The following PIP4K2B variants were observed in gnomAD, a reference collection of about 807,000 sequenced individuals.
The protein encoded by PIP4K2B is phosphatidylinositol 5-phosphate 4-kinase type-2 beta.
PIP4K2B carries 3 observed loss-of-function variants against 42.0 expected under a neutral mutation model. That is an observed-to-expected ratio of 0.07 (90% CI 0.03 to 0.18). The LOEUF (loss-of-function observed/expected upper bound fraction) is 0.18. Ranked by LOEUF, PIP4K2B falls within the 10% of genes least tolerant of loss-of-function variation. The pLI is 1.00. For missense variants in PIP4K2B, 332 were observed against 562.3 expected (o/e 0.59, Z 4.14); for synonymous variants, 204 against 210.1 (o/e 0.97, Z 0.25).
Position 38,771,195 on chromosome 17 carries a change from C to T in PIP4K2B, c.885G>A (p.Glu295=), listed in dbSNP as rs919982268. 2 of 1,614,056 alleles carry T rather than the reference C, an allele frequency of 1.2e-6. No individual in the cohort carries two copies. Among genetic ancestry groups the T allele is most frequent in the Non-Finnish European group, 1.7e-6 (2 of 1,180,050 alleles). The change falls in exon 8 of 10, where the codon GAG becomes GAA. Residue 295 remains glutamate, a synonymous_variant. Coordinates refer to ENST00000619039, the MANE Select transcript of PIP4K2B (RefSeq NM_003559.5). ...IHDVDRAEQE[E]MEVEERAEDE... ...CCTCTGCCCGCTCCTCCACCTCCAT[C>T]TCCTCCTGCTCTGCCCGGTCCACGT...
rs193112557 is a variant in PIP4K2B at position 38,790,795 on chromosome 17, C to T, written c.160-3875G>A. Among the ~76,000 whole-genome samples the T allele has an allele frequency of 3.9e-4, 59 of 152,262 alleles. 1 individual carries two copies. Among genetic ancestry groups the T allele is most frequent in the Admixed American group, 3.5e-3 (54 of 15,286 alleles). On this transcript the variant is annotated intron_variant, in intron 1 of 9. Transcript: ENST00000619039. ...TTTTAACTCAGCTAACATTGGTGAA[C>T]AATCCATATCTCAACTAGGGGAGAC...
intron 3 of PIP4K2B, 109 bp from the exon 4 acceptor site, chr17:38,780,713 T>G: frequency 9.6e-7 from 1 of 1,038,452 alleles, no homozygotes; most frequent in Non-Finnish European, 1.4e-6. Flanking sequence ...AACACTGAGA[T>G]AGAGGGACTC....
At chr17:38,775,980 C>CTTTTTTTTTTTTTTTTTTTTTTTTTTTT in intron 7 of PIP4K2B, 2 of 400,648 alleles carry the variant, frequency 5.0e-6, no homozygotes, top group Non-Finnish European at 9.9e-6. Flanking sequence ...TGTTTGCTTC[C>CTTTTTTTTTTTTTTTTTTTTTTTTTTTT]TTTTTTTTTT....
chr17:38,775,010 C>T (rs1909256068), intron 7 of PIP4K2B, among the ~76,000 whole-genome samples: 1 of 151,692 alleles, frequency 6.6e-6, no homozygotes, highest in African/African-American at 2.4e-5. Flanking sequence ...AGTGCAGTGG[C>T]ACGATCTCGG....
chr17:38,781,099 A>G (rs1268747073), intron 3 of PIP4K2B, among the ~76,000 whole-genome samples: 1 of 152,168 alleles, frequency 6.6e-6, no homozygotes, highest in African/African-American at 2.4e-5. Flanking sequence ...GTCTAGCACA[A>G]AGAAGCAATG....
chr17:38,776,516 C>T, intron 7 of PIP4K2B: 1 of 365,392 alleles, frequency 2.7e-6, no homozygotes, highest in Non-Finnish European at 5.4e-6. Flanking sequence ...GTCCCAGCTA[C>T]TTGGGAGGCT....
chr17:38,780,702 C>T, intron 3 of PIP4K2B, 98 bp from the exon 4 acceptor site: 2 of 1,222,194 alleles, frequency 1.6e-6, no homozygotes, highest in Non-Finnish European at 2.3e-6. Context: ...TGAAAGCCAA[C>T]AACACTGAGA....
chr17:38,771,319 A>G, intron 7 of PIP4K2B, 47 bp from the exon 8 acceptor site: 1 of 1,604,016 alleles, frequency 6.2e-7, no homozygotes, highest in African/African-American at 1.3e-5. Flanking sequence ...GAGGTTACAC[A>G]GGACATCCCA....
chr17:38,798,766 C>A (rs1305745094), intron 1 of PIP4K2B, among the ~76,000 whole-genome samples: 2 of 152,150 alleles, frequency 1.3e-5, no homozygotes, highest in African/African-American at 4.8e-5. Context: ...GTTCTACATT[C>A]AAAGGTAAGG....
At chr17:38,795,894 T>G (rs537931166) in intron 1 of PIP4K2B, among the ~76,000 whole-genome samples, 42 of 152,070 alleles carry the variant, frequency 2.8e-4, no homozygotes, top group Non-Finnish European at 5.4e-4. Flanking sequence ...ATCCCAGCAC[T>G]TTGGGAGGCC....
intron 1 of PIP4K2B, among the ~76,000 whole-genome samples, chr17:38,797,364 T>C (rs1019275114): frequency 3.9e-5 from 6 of 152,150 alleles, no homozygotes; most frequent in African/African-American, 1.2e-4. Flanking sequence ...CATAGGCGTA[T>C]AACCCAGAGC....
chr17:38,794,593 A>G (rs1910528122), intron 1 of PIP4K2B, among the ~76,000 whole-genome samples: 1 of 135,300 alleles, frequency 7.4e-6, no homozygotes. Context: ...GGCAATACAG[A>G]GAAACCCCAA....
At position 38,771,213 on chromosome 17, in the gene PIP4K2B, G is replaced by A. The variant is rs749475934; in HGVS notation, c.867C>T (p.Asp289=). 2 of 1,613,952 alleles carry A rather than the reference G, an allele frequency of 1.2e-6. No homozygotes were observed. The highest frequency in any genetic ancestry group is 1.7e-6 in the Non-Finnish European group (2 of 1,180,004). ...YSLLVGIHDV[D]RAEQEEMEVE... ...CCTCCATCTCCTCCTGCTCTGCCCG[G>A]TCCACGTCGTGGATGCCCACCAGCA... The change falls in exon 8 of 10, where the codon GAC becomes GAT. Residue 289 remains aspartate (D), a synonymous_variant. Coordinates refer to ENST00000619039, the MANE Select transcript of PIP4K2B (RefSeq NM_003559.5).
At chr17:38,777,218 T>C (rs917308611) in intron 7 of PIP4K2B, among the ~76,000 whole-genome samples, 1 of 152,136 alleles carries the variant, frequency 6.6e-6, no homozygotes, top group Admixed American at 6.5e-5. Flanking sequence ...TGTGTGCCCC[T>C]ACGCCTGGCT....
At chr17:38,782,916 G>A (rs1322296897) in intron 3 of PIP4K2B, among the ~76,000 whole-genome samples, 5 of 152,054 alleles carry the variant, frequency 3.3e-5, no homozygotes, top group East Asian at 3.9e-4. Flanking sequence ...GGCCAGGTGC[G>A]GTGGCTCACG....
At chr17:38,776,217 A>T (rs1909334982) in intron 7 of PIP4K2B, 8 of 312,934 alleles carry the variant, frequency 2.6e-5, no homozygotes, top group South Asian at 2.0e-4. Flanking sequence ...AGATCCGCCC[A>T]CCTCAGCCTC....
At chr17:38,775,078 T>TAG (rs1356047036) in intron 7 of PIP4K2B, among the ~76,000 whole-genome samples, 7 of 151,316 alleles carry the variant, frequency 4.6e-5, no homozygotes, top group Non-Finnish European at 8.8e-5. Flanking sequence ...GCCTCCCGAG[T>TAG]AGCTGGGACT....
chr17:38,782,529 G>A (rs1339149957), intron 3 of PIP4K2B, among the ~76,000 whole-genome samples: 2 of 152,206 alleles, frequency 1.3e-5, no homozygotes, highest in African/African-American at 4.8e-5. Context: ...TCCAGCCCCA[G>A]TCAAGTCATG....
At chr17:38,797,646 C>A (rs747965381) in intron 1 of PIP4K2B, among the ~76,000 whole-genome samples, 2 of 152,212 alleles carry the variant, frequency 1.3e-5, no homozygotes, top group African/African-American at 4.8e-5. Flanking sequence ...GACTCTCAGG[C>A]CTCTACCAGT....
Sources: gnomAD v4.1 joint callset for allele counts (sites outside exome capture counted in the v4.1 genomes callset) on GRCh38, gnomAD v4.1.1 for gene constraint, MANE v1.5 for transcripts, NCBI Gene and HGNC (gene_info 2026-07-23, HGNC 2026-07-21) for gene names.